Variants in PIWIL1 observed in about 807,000 individuals in gnomAD.
PIWIL1 encodes the protein piwi-like protein 1.
Under a neutral mutation model 114.4 loss-of-function variants are expected in PIWIL1, and 73 were observed. The ratio of observed to expected loss-of-function variants is 0.64; its 90% CI spans 0.53 to 0.78. PIWIL1 has a LOEUF of 0.78. Among genes scored for constraint, PIWIL1 ranks in the 30% least tolerant of loss-of-function variants. PIWIL1 has a pLI of 0.00. For missense variants in PIWIL1, 723 were observed against 1,063.1 expected, an observed-to-expected ratio of 0.68 and a Z score of 4.45; for synonymous variants, 375 against 369.0, an observed-to-expected ratio of 1.02 and a Z score of -0.19.
chr12:130,338,381 GGGGCGA>G (rs2072778113), intron 1 of PIWIL1, among the ~76,000 whole-genome samples: 1 of 60,196 alleles, frequency 1.7e-5, no homozygotes. Context: ...GCCGGGTGCG[GGGGCGA>G]GGTCCCAGGT....
intron 9 of PIWIL1, 99 bp downstream of exon 9, chr12:130,350,066 TG>T: frequency 1.6e-6 from 1 of 633,614 alleles, no homozygotes; most frequent in Non-Finnish European, 2.8e-6. Flanking sequence ...CGTTTAAAGC[TG>T]TGTGTAAATG....
the PIWIL1 span, among the ~76,000 whole-genome samples, chr12:130,394,199 T>C: frequency 6.6e-6 from 1 of 152,198 alleles, no homozygotes; most frequent in East Asian, 1.9e-4. Context: ...TCCTCTTTTT[T>C]AGAGACTTTG....
chr12:130,370,342 A>G (rs2073786164), intron 19 of PIWIL1, among the ~76,000 whole-genome samples: 1 of 151,992 alleles, frequency 6.6e-6, no homozygotes, highest in Non-Finnish European at 1.5e-5. Context: ...CCAACCTCGG[A>G]TCAAAAATAC....
chr12:130,413,903 G>A, the PIWIL1 span, among the ~76,000 whole-genome samples: 2 of 152,270 alleles, frequency 1.3e-5, no homozygotes, highest in Admixed American at 1.3e-4. Flanking sequence ...GACATATTTG[G>A]GTGTGTTTGT....
intron 18 of PIWIL1, among the ~76,000 whole-genome samples, chr12:130,363,612 CT>C (rs34198016): frequency 0.029 from 2,397 of 82,240 alleles, 36 homozygotes; most frequent in African/African-American, 0.11. Flanking sequence ...TACTTTCTCC[CT>C]TTTTTTTTTT....
chr12:130,356,526 T>G (rs1203686543), intron 12 of PIWIL1, among the ~76,000 whole-genome samples: 1 of 152,214 alleles, frequency 6.6e-6, no homozygotes, highest in East Asian at 1.9e-4. Flanking sequence ...TTTTGTAGCT[T>G]GCTTGCGGCA....
chr12:130,404,455 G>A, the PIWIL1 span, among the ~76,000 whole-genome samples: 1 of 152,022 alleles, frequency 6.6e-6, no homozygotes, highest in African/African-American at 2.4e-5. Flanking sequence ...ATGCCACCAC[G>A]CCCGGCTAAT....
intron 12 of PIWIL1, 53 bp from the exon 13 acceptor site, chr12:130,356,865 T>C (rs1203230260): frequency 7.6e-7 from 1 of 1,310,158 alleles, no homozygotes; most frequent in Non-Finnish European, 1.1e-6. Context: ...CTGTTTGGCT[T>C]GATCACTGAG....
downstream of PIWIL1, among the ~76,000 whole-genome samples, chr12:130,373,622 C>T (rs1023289484): frequency 1.3e-5 from 2 of 152,136 alleles, no homozygotes; most frequent in Non-Finnish European, 2.9e-5. Context: ...AGACTGGGTT[C>T]CAAACTGTAC....
At chr12:130,346,234 T>G (rs1299535180) in intron 4 of PIWIL1, 136 bp from the exon 5 acceptor site, 7 of 648,126 alleles carry the variant, frequency 1.1e-5, no homozygotes, top group African/African-American at 1.8e-5. Flanking sequence ...CAAAGTCAGA[T>G]GTCTGAGGAC....
chr12:130,393,272 C>T, the PIWIL1 span, among the ~76,000 whole-genome samples: 10 of 17,478 alleles, frequency 5.7e-4, no homozygotes, highest in South Asian at 2.0e-3. Flanking sequence ...ACCCGGTCAC[C>T]GTCATCACAT....
At chr12:130,378,248 G>T in the PIWIL1 span, among the ~76,000 whole-genome samples, 2 of 152,148 alleles carry the variant, frequency 1.3e-5, no homozygotes, top group Admixed American at 6.5e-5. Flanking sequence ...ATGCACTCTT[G>T]TGTCTGGCTT....
chr12:130,424,700 G>C, the PIWIL1 span: 1 of 1,232,198 alleles, frequency 8.1e-7, no homozygotes, highest in Non-Finnish European at 1.0e-6. This position sits in a 1 kb window ranked among gnomAD's most constrained non-coding sequence, Gnocchi z 9.8. Context: ...TCCTGGCCCT[G>C]GGGGACGGCC....
the PIWIL1 span, among the ~76,000 whole-genome samples, chr12:130,394,355 G>A: frequency 1.5e-4 from 23 of 152,362 alleles, no homozygotes; most frequent in East Asian, 1.3e-3. Flanking sequence ...GCTTGCACGC[G>A]GAGGTGCACG....
At chr12:130,415,357 T>C in the PIWIL1 span, among the ~76,000 whole-genome samples, 1 of 152,134 alleles carries the variant, frequency 6.6e-6, no homozygotes, top group African/African-American at 2.4e-5. Context: ...CATCCCTTCA[T>C]GATTAAAAAA....
rs923106369 is a variant in PIWIL1 at position 130,338,153 on chromosome 12, G to C, written c.-13+7G>C. 4 of 324,744 alleles carry C rather than the reference G, an allele frequency of 1.2e-5. No homozygotes were observed. Among genetic ancestry groups the C allele is most frequent in the African/African-American group, 2.3e-5 (1 of 43,102 alleles). 20.1% of individuals were successfully genotyped at this position (324,744 alleles called of 1,614,324 possible). On this transcript the variant is annotated splice_region_variant and intron_variant, in intron 1 of 20. Coordinates refer to ENST00000245255, the MANE Select transcript of PIWIL1 (RefSeq NM_004764.5). ...GCGAGGGCAGCGGTCCAAGGTGCGG[G>C]GCCAGGCTGAGGTGCTAGGTGTGCG...
intron 18 of PIWIL1, among the ~76,000 whole-genome samples, chr12:130,365,590 A>G (rs910174324): frequency 6.6e-6 from 1 of 152,248 alleles, no homozygotes; most frequent in Admixed American, 6.5e-5. Flanking sequence ...ATAGCAACGT[A>G]TCACAGGGCA....
chr12:130,343,135 C>G (rs373676670), intron 3 of PIWIL1, 34 bp downstream of exon 3: 2 of 1,461,856 alleles, frequency 1.4e-6, no homozygotes. Context: ...CTTAACAACT[C>G]TGTTCAACAT....
chr12:130,358,008 G>A (rs73448189), intron 14 of PIWIL1, among the ~76,000 whole-genome samples: 2,138 of 152,298 alleles, frequency 0.014, 47 homozygotes, highest in African/African-American at 0.048. Context: ...GTCAGCTTCC[G>A]CATGCATCCA....
Sources: allele counts gnomAD v4.1 joint callset (sites outside exome capture counted in the v4.1 genomes callset), GRCh38; gene constraint gnomAD v4.1.1; non-coding constraint Gnocchi (gnomAD v3.1); transcripts MANE v1.5; gene names NCBI Gene and HGNC (gene_info 2026-07-23, HGNC 2026-07-21).